The following ADGRL3 variants were observed in gnomAD, a reference collection of about 807,000 sequenced individuals.
ADGRL3 encodes the protein calcium-independent alpha-latrotoxin receptor 3.
A neutral mutation model predicts 153.5 loss-of-function variants in ADGRL3; 62 were observed. That is an observed-to-expected ratio of 0.40 (90% confidence interval 0.33 to 0.50). The LOEUF (loss-of-function observed/expected upper bound fraction) is 0.50. Among genes scored for constraint, ADGRL3 ranks in the 20% least tolerant of loss-of-function variants. The pLI is 0.47. For synonymous variants in ADGRL3, 710 were observed against 672.5 expected (o/e 1.06, Z -0.86); for missense variants, 1,641 against 1,859.4 (o/e 0.88, Z 2.16).
chr4:61,563,455 A>G (rs2098803684), intron 4 of ADGRL3, among the ~76,000 whole-genome samples: 1 of 152,176 alleles, frequency 6.6e-6, no homozygotes, highest in South Asian at 2.1e-4. Context: ...TAAAGTCACC[A>G]GCTACATTAG....
chr4:61,637,885 T>C (rs1042742237), intron 5 of ADGRL3, among the ~76,000 whole-genome samples: 1 of 152,136 alleles, frequency 6.6e-6, no homozygotes, highest in African/African-American at 2.4e-5. Context: ...CTGAGATGAA[T>C]TCAAATACCT....
In ADGRL3 at chr4:61,983,918, C is replaced by T. The variant is rs139701683; in HGVS notation, c.3236+315C>T. ...AAGGAAGAACTAGCTGTATGAAGAGCTATTTGCTAGCATAGGATGGTGCAG... is the reference window on the plus strand; with the variant it reads ...AAGGAAGAACTAGCTGTATGAAGAGTTATTTGCTAGCATAGGATGGTGCAG... On this transcript the variant is annotated intron_variant, in intron 19 of 26. Transcript: ENST00000683033. Among the ~76,000 whole-genome samples, 83 of 152,242 alleles carry T rather than the reference C, an allele frequency of 5.5e-4. No homozygotes were observed. The East Asian group carries it at 0.015, about 28-fold the overall frequency.
At chr4:62,004,802 A>T (rs927944909) in intron 21 of ADGRL3, among the ~76,000 whole-genome samples, 10 of 152,124 alleles carry the variant, frequency 6.6e-5, no homozygotes, top group East Asian at 3.8e-4. Flanking sequence ...GCTAGAAAAA[A>T]TAATACATTT....
chr4:61,520,845 GT>G (rs1475143791), intron 4 of ADGRL3, among the ~76,000 whole-genome samples: 1 of 151,744 alleles, frequency 6.6e-6, no homozygotes, highest in Non-Finnish European at 1.5e-5. Context: ...TTTTTCTTCT[GT>G]TTTTCTCAAT....
At chr4:61,987,486 T>C (rs1269690966) in intron 19 of ADGRL3, among the ~76,000 whole-genome samples, 1 of 152,082 alleles carries the variant, frequency 6.6e-6, no homozygotes, top group Non-Finnish European at 1.5e-5. Flanking sequence ...GCTTTTATTT[T>C]ATTTAATATG....
At chr4:61,871,238 AC>A (rs1190483730) in intron 9 of ADGRL3, among the ~76,000 whole-genome samples, 2 of 151,862 alleles carry the variant, frequency 1.3e-5, no homozygotes, top group African/African-American at 4.8e-5. Context: ...AGATCGCACC[AC>A]TGCACTCCAG....
chr4:61,656,535 C>G (rs117364290), intron 5 of ADGRL3, among the ~76,000 whole-genome samples: 1 of 152,144 alleles, frequency 6.6e-6, no homozygotes, highest in East Asian at 1.9e-4. Context: ...TATAAGGGAG[C>G]TATTTGGTTC....
At chr4:61,434,178 T>C (rs1017289316) in intron 2 of ADGRL3, among the ~76,000 whole-genome samples, 2 of 152,132 alleles carry the variant, frequency 1.3e-5, no homozygotes, top group African/African-American at 2.4e-5. Flanking sequence ...TGACAATTAT[T>C]TGTGGAGTGA....
intron 9 of ADGRL3, among the ~76,000 whole-genome samples, chr4:61,846,317 T>TAA (rs879823030): frequency 2.8e-5 from 4 of 142,592 alleles, no homozygotes; most frequent in African/African-American, 1.0e-4. Flanking sequence ...ACCCTGTCTC[T>TAA]AAAAAAAAAA....
chr4:61,544,408 T>C (rs2148685860), intron 4 of ADGRL3, among the ~76,000 whole-genome samples: 1 of 152,350 alleles, frequency 6.6e-6, no homozygotes, highest in East Asian at 1.9e-4. Flanking sequence ...TTTACCTATT[T>C]TTCTCTTTGT....
rs563825991 is a variant in ADGRL3, at chr4:61,830,444, C to T, written c.1480+16555C>T. On this transcript the variant is annotated intron_variant, in intron 9 of 26. Transcript: ENST00000683033. ...GGCATCTGCAGAACCTTTTTACCCTCTTCTTTGGACATAACAACATGCCAT... is the reference window on the plus strand; with the variant it reads ...GGCATCTGCAGAACCTTTTTACCCTTTTCTTTGGACATAACAACATGCCAT... Among the ~76,000 whole-genome samples the T allele has an allele frequency of 3.9e-5, 6 of 152,292 alleles. No homozygotes were observed. The South Asian group carries it at 1.2e-3, about 32-fold the overall frequency.
chr4:61,512,135 A>G (rs1423964410), intron 3 of ADGRL3, among the ~76,000 whole-genome samples: 2 of 63,070 alleles, frequency 3.2e-5, no homozygotes, highest in Non-Finnish European at 6.1e-5. Context: ...TTTATTATAT[A>G]TGTTGGCAGT....
chr4:61,481,655 AG>A (rs2098133122), intron 2 of ADGRL3, among the ~76,000 whole-genome samples: 1 of 152,018 alleles, frequency 6.6e-6, no homozygotes, highest in African/African-American at 2.4e-5. Flanking sequence ...TTTGAAAGAT[AG>A]TATATCCATG....
At chr4:61,229,714 G>C (rs1374684097) in intron 1 of ADGRL3, among the ~76,000 whole-genome samples, 1 of 151,840 alleles carries the variant, frequency 6.6e-6, no homozygotes, top group Non-Finnish European at 1.5e-5. Flanking sequence ...GACCAGCCTG[G>C]GCAACACAGC....
chr4:61,761,083 A>G (rs958576565), intron 8 of ADGRL3, among the ~76,000 whole-genome samples: 3 of 152,222 alleles, frequency 2.0e-5, no homozygotes, highest in African/African-American at 7.2e-5. Flanking sequence ...CACTTTATCA[A>G]TCTGGGTGAT....
At chr4:62,056,583 T>A (rs1350232961) in intron 25 of ADGRL3, among the ~76,000 whole-genome samples, 2 of 152,012 alleles carry the variant, frequency 1.3e-5, no homozygotes, top group Non-Finnish European at 2.9e-5. Flanking sequence ...TCTAATGCCA[T>A]AGAAGATACA....
At chr4:61,650,413 C>A (rs1202819789) in intron 5 of ADGRL3, among the ~76,000 whole-genome samples, 1 of 152,086 alleles carries the variant, frequency 6.6e-6, no homozygotes, top group Non-Finnish European at 1.5e-5. Flanking sequence ...AGATTTTTAT[C>A]AGTTTCAATA....
intron 9 of ADGRL3, among the ~76,000 whole-genome samples, chr4:61,892,231 A>G (rs1261987107): frequency 1.3e-5 from 2 of 150,290 alleles, no homozygotes; most frequent in Non-Finnish European, 3.0e-5. Context: ...TTAGAAATCC[A>G]TATTACACTT....
chr4:61,225,683 C>G (rs1747613850), intron 1 of ADGRL3, among the ~76,000 whole-genome samples: 1 of 152,174 alleles, frequency 6.6e-6, no homozygotes, highest in African/African-American at 2.4e-5. Flanking sequence ...GAATAGGCAT[C>G]TCTAGTTTTA....
Sources: allele counts gnomAD v4.1 joint callset (sites outside exome capture counted in the v4.1 genomes callset), GRCh38; gene constraint gnomAD v4.1.1; transcripts MANE v1.5; gene names NCBI Gene and HGNC (gene_info 2026-07-23, HGNC 2026-07-21).